NRG1: variants seen among roughly 807,000 people sequenced by gnomAD.
NRG1 encodes the protein pro-neuregulin-1, membrane-bound isoform.
Under a neutral mutation model 63.8 loss-of-function variants are expected in NRG1, and 18 were observed. The observed-to-expected ratio is 0.28, with a 90% CI of 0.19 to 0.42. The LOEUF (loss-of-function observed/expected upper bound fraction) is 0.42, where lower values mean the gene tolerates loss of function less well. NRG1 is among the 10% of genes least tolerant of loss of function. The pLI, the probability that NRG1 is intolerant of heterozygous loss-of-function variation, is 1.00. For synonymous variants in NRG1, 302 were observed against 301.3 expected, an observed-to-expected ratio of 1.00 and a Z score of -0.02; for missense variants, 762 against 814.7, an observed-to-expected ratio of 0.94 and a Z score of 0.79.
intron 1 of NRG1, among the ~76,000 whole-genome samples, chr8:32,081,174 T>G (rs1252132746): frequency 6.6e-6 from 1 of 152,126 alleles, no homozygotes; most frequent in East Asian, 1.9e-4. Context: ...CCAGCCAAGT[T>G]GACACACTGA....
rs577028948 is a variant in NRG1 at position 31,952,774 on chromosome 8, T to C, written c.37+313343T>C. 6.2e-4 allele frequency among the ~76,000 whole-genome samples: 94 copies of C among 152,336 alleles called. 1 individual carries two copies. The highest frequency in any genetic ancestry group is 2.5e-3 in the South Asian group (12 of 4,828). On this transcript the variant is annotated intron_variant, in intron 1 of 10. Coordinates refer to the NRG1 transcript ENST00000519301. ...ACTTGACCCAGACCGCAAAATGTCA[T>C]GGTAGCTTTCCCTGCTGAAACCTTG...
At position 32,535,567 on chromosome 8, in the gene NRG1, T is replaced by C. The variant is rs140554748; in HGVS notation, c.38-60261T>C. Reference sequence around the variant, plus strand: ...TCCTTGGACCCATGGACAAGGCTCATAAACCTCCTTGGTGTCCATTCCATG... The same window carrying C: ...TCCTTGGACCCATGGACAAGGCTCACAAACCTCCTTGGTGTCCATTCCATG... On this transcript the variant is annotated intron_variant, in intron 1 of 10. Coordinates refer to the NRG1 transcript ENST00000519301. Among the ~76,000 whole-genome samples, 19 of 152,284 alleles carry C rather than the reference T, an allele frequency of 1.2e-4. No individual in the cohort carries two copies. In the East Asian group the frequency reaches 3.3e-3, roughly 26 times the overall value.
intron 1 of NRG1, among the ~76,000 whole-genome samples, chr8:32,316,790 A>G (rs1857446620): frequency 7.3e-6 from 1 of 136,142 alleles, no homozygotes; most frequent in Admixed American, 8.0e-5. Context: ...TGTTCTGACT[A>G]TCAGCTCCAA....
In NRG1 at chr8:31,984,174, T is replaced by C. The variant is rs1205263757; in HGVS notation, c.37+344743T>C. ...TTCCAAAGGGAAAAATTTTTACTTATGAAAAATGTGGTAAAATATAGAATA... is the reference window on the plus strand; with the variant it reads ...TTCCAAAGGGAAAAATTTTTACTTACGAAAAATGTGGTAAAATATAGAATA... On this transcript the variant is annotated intron_variant, in intron 1 of 10. Coordinates refer to the NRG1 transcript ENST00000519301. 2.6e-5 allele frequency among the ~76,000 whole-genome samples: 4 copies of C among 152,108 alleles called. No individual in the cohort carries two copies. The East Asian group carries it at 7.7e-4, about 29-fold the overall frequency.
chr8:32,686,283 TAGAAAA>T (rs1363540464), intron 5 of NRG1, among the ~76,000 whole-genome samples: 2 of 152,016 alleles, frequency 1.3e-5, no homozygotes, highest in African/African-American at 4.8e-5. Context: ...TATTGAAAGT[TAGAAAA>T]AGAAAATGAG....
At position 32,420,541 on chromosome 8, in the gene NRG1, C is replaced by CT. The variant is rs770162839; in HGVS notation, c.38-175275dup. On this transcript the variant is annotated intron_variant, in intron 1 of 10. Transcript: ENST00000519301. ...CCCTCATCTCTCTCTCTCTCTCTCT[C>CT]TTTTTTTTTTTTCCTACTAAACATG... 2.4e-3 allele frequency among the ~76,000 whole-genome samples: 346 copies of CT among 144,154 alleles called. 6 individuals are homozygous for CT. In the East Asian group the frequency reaches 0.047, roughly 20 times the overall value. 94.6% of individuals were successfully genotyped at this position (144,154 alleles called of 152,430 possible).
intron 1 of NRG1, among the ~76,000 whole-genome samples, chr8:32,489,506 G>C (rs1303374614): frequency 1.3e-5 from 2 of 152,034 alleles, no homozygotes; most frequent in Non-Finnish European, 2.9e-5. Flanking sequence ...TGGTTAGGGC[G>C]GGGGGCACTG....
At chr8:31,880,384 A>G (rs555618744) in intron 1 of NRG1, among the ~76,000 whole-genome samples, 3 of 152,272 alleles carry the variant, frequency 2.0e-5, no homozygotes, top group South Asian at 2.1e-4. Flanking sequence ...TTGGCAGCAT[A>G]CGACCATGAA....
chr8:31,981,688 T>G (rs1025537745), intron 1 of NRG1, among the ~76,000 whole-genome samples: 1 of 152,030 alleles, frequency 6.6e-6, no homozygotes, highest in African/African-American at 2.4e-5. Flanking sequence ...ACCAGCAGAT[T>G]AATATTCTTT....
chr8:32,083,317 G>C (rs1247502753), intron 1 of NRG1, among the ~76,000 whole-genome samples: 1 of 152,190 alleles, frequency 6.6e-6, no homozygotes, highest in African/African-American at 2.4e-5. Flanking sequence ...GGAGAAAAAA[G>C]GCTTTAGGCC....
At chr8:32,221,871 A>G (rs1375919645) in intron 1 of NRG1, among the ~76,000 whole-genome samples, 1 of 152,018 alleles carries the variant, frequency 6.6e-6, no homozygotes, top group African/African-American at 2.4e-5. Flanking sequence ...CTTCTCAACC[A>G]TGTTTAGTGT....
chr8:32,586,818 G>A (rs915487825), intron 1 of NRG1, among the ~76,000 whole-genome samples: 6 of 152,124 alleles, frequency 3.9e-5, no homozygotes, highest in South Asian at 2.1e-4. Context: ...GTAATTTTGC[G>A]GATATGTAGT....
chr8:32,442,725 A>T (rs919706719), intron 1 of NRG1: 3 of 152,182 alleles, frequency 2.0e-5, no homozygotes, highest in African/African-American at 7.2e-5. Flanking sequence ...TTAGAAATAG[A>T]TGTATTGAGG....
At chr8:32,192,058 T>C (rs180797451) in intron 1 of NRG1, 32 of 152,492 alleles carry the variant, frequency 2.1e-4, no homozygotes, top group African/African-American at 7.7e-4. Context: ...ATCGCTTTCT[T>C]ATTTCCTTCA....
chr8:32,463,366 AC>A (rs1822577300), intron 1 of NRG1, among the ~76,000 whole-genome samples: 1 of 152,024 alleles, frequency 6.6e-6, no homozygotes, highest in Non-Finnish European at 1.5e-5. Flanking sequence ...TGGAAGGGAA[AC>A]TTTTATACTG....
intron 1 of NRG1, among the ~76,000 whole-genome samples, chr8:32,204,042 C>T (rs1460314336): frequency 6.6e-6 from 1 of 152,040 alleles, no homozygotes; most frequent in East Asian, 1.9e-4. Flanking sequence ...AGAGATATCT[C>T]CTAGATATCT....
chr8:31,984,841 G>A (rs979173502), intron 1 of NRG1, among the ~76,000 whole-genome samples: 2 of 152,092 alleles, frequency 1.3e-5, no homozygotes, highest in African/African-American at 4.8e-5. Flanking sequence ...CACATCATAT[G>A]TTTATTTAAA....
At chr8:32,713,521 C>A (rs1326744761) in intron 5 of NRG1, among the ~76,000 whole-genome samples, 1 of 151,542 alleles carries the variant, frequency 6.6e-6, no homozygotes, top group African/African-American at 2.4e-5. Context: ...TCACAAACCC[C>A]ATTTCCTGCC....
chr8:32,320,811 C>A (rs1437424187), intron 1 of NRG1, among the ~76,000 whole-genome samples: 7 of 152,138 alleles, frequency 4.6e-5, no homozygotes, highest in Non-Finnish European at 4.4e-5. Flanking sequence ...TCATTACGCA[C>A]CTCTGAGACA....
Sources: allele counts gnomAD v4.1 joint callset (sites outside exome capture counted in the v4.1 genomes callset), GRCh38; gene constraint gnomAD v4.1.1; transcripts MANE v1.5; gene names NCBI Gene and HGNC (gene_info 2026-07-23, HGNC 2026-07-21).